PRPF18: variants seen among roughly 807,000 people sequenced by gnomAD.
PRPF18 encodes the protein pre-mRNA processing factor 18.
PRPF18 carries 38 observed loss-of-function variants against 46.5 expected under a neutral mutation model. The ratio of observed to expected loss-of-function variants is 0.82; its 90% CI spans 0.63 to 1.07. PRPF18 has a LOEUF of 1.07. Among genes scored for constraint, PRPF18 ranks in the 50% least tolerant of loss-of-function variants. The probability of loss-of-function intolerance (pLI) is 0.00; values close to 1 mark genes in which losing one functional copy is unlikely to be tolerated. For missense variants in PRPF18, 263 were observed against 410.0 expected, an observed-to-expected ratio of 0.64 and a Z score of 3.10; for synonymous variants, 152 against 146.7, an observed-to-expected ratio of 1.04 and a Z score of -0.26.
chr10:13,650,067 G>A, the PRPF18 span, among the ~76,000 whole-genome samples: 1 of 152,210 alleles, frequency 6.6e-6, no homozygotes, highest in Non-Finnish European at 1.5e-5. Flanking sequence ...TCAGAGATGT[G>A]TGGCCTGCAA....
chr10:13,631,414 T>A (rs1564466189), downstream of PRPF18: 1 of 152,268 alleles, frequency 6.6e-6, no homozygotes, highest in Non-Finnish European at 1.5e-5. Flanking sequence ...ATCTCAGCTC[T>A]GCACCTGCTC....
At chr10:13,618,802 T>C (rs2080383856) in intron 9 of PRPF18, among the ~76,000 whole-genome samples, 1 of 152,078 alleles carries the variant, frequency 6.6e-6, no homozygotes, top group Non-Finnish European at 1.5e-5. Context: ...AATAAATATT[T>C]GCTAATTGAA....
intron 9 of PRPF18, among the ~76,000 whole-genome samples, chr10:13,628,819 G>A (rs2080549000): frequency 2.0e-5 from 3 of 152,158 alleles, no homozygotes; most frequent in African/African-American, 7.2e-5. Flanking sequence ...TTAATGAATT[G>A]CACAGTGAAT....
chr10:13,651,578 C>T, the PRPF18 span: 1 of 266,324 alleles, frequency 3.8e-6, no homozygotes, highest in Non-Finnish European at 7.2e-6. Flanking sequence ...ACTAGGGAGC[C>T]AGGAGAATCG....
intron 9 of PRPF18, among the ~76,000 whole-genome samples, chr10:13,621,425 G>A (rs777374417): frequency 6.6e-6 from 1 of 152,110 alleles, no homozygotes; most frequent in Non-Finnish European, 1.5e-5. Context: ...GCATCCCTCT[G>A]CCCGAGGCTG....
chr10:13,641,061 G>C, the PRPF18 span: 1 of 152,204 alleles, frequency 6.6e-6, no homozygotes. Flanking sequence ...AGAAAAAGCT[G>C]TTCCTCTTTC....
chr10:13,623,207 A>G (rs2133957449), intron 9 of PRPF18, among the ~76,000 whole-genome samples: 1 of 152,016 alleles, frequency 6.6e-6, no homozygotes, highest in East Asian at 1.9e-4. Flanking sequence ...TCTCAAAAAA[A>G]GAAAAAAAAA....
intron 9 of PRPF18, among the ~76,000 whole-genome samples, chr10:13,626,723 G>T (rs978704752): frequency 6.6e-6 from 1 of 152,120 alleles, no homozygotes; most frequent in Non-Finnish European, 1.5e-5. Flanking sequence ...GTTTGAAAAG[G>T]GTTGCCTGTG....
At chr10:13,649,101 A>G in the PRPF18 span, 2 of 152,220 alleles carry the variant, frequency 1.3e-5, no homozygotes, top group African/African-American at 4.8e-5. Flanking sequence ...AAATACTCTT[A>G]AATGGGCTAA....
chr10:13,643,516 A>C, the PRPF18 span: 2 of 152,472 alleles, frequency 1.3e-5, no homozygotes, highest in African/African-American at 4.8e-5. Flanking sequence ...AATAAGAGGG[A>C]ATTCACCTCA....
rs1463809136 is a variant in PRPF18 at position 13,630,792 on chromosome 10, A to G, written c.*452A>G. The G allele has an allele frequency of 6.6e-6, 1 of 152,160 alleles. No homozygotes were observed. Among genetic ancestry groups the G allele is most frequent in the Non-Finnish European group, 1.5e-5 (1 of 68,040 alleles). 9.4% of individuals were successfully genotyped at this position (152,160 alleles called of 1,614,324 possible). ...TTCAAAAACATGGGACCATTGAATG[A>G]AACTTTATAGTCCTTAAATGTTGCT... On this transcript the variant is annotated 3_prime_UTR_variant, in exon 10 of 10. Transcript: ENST00000378572.
intron 3 of PRPF18, among the ~76,000 whole-genome samples, chr10:13,601,593 A>G (rs562201252): frequency 6.6e-6 from 1 of 152,232 alleles, no homozygotes; most frequent in East Asian, 1.9e-4. Context: ...AAATGAGATG[A>G]CATGCATTTG....
chr10:13,636,527 C>A, the PRPF18 span, among the ~76,000 whole-genome samples: 1 of 151,894 alleles, frequency 6.6e-6, no homozygotes, highest in Non-Finnish European at 1.5e-5. Context: ...GTGGCTTGGC[C>A]CTTTGAAAAT....
chr10:13,647,398 C>G, the PRPF18 span: 1 of 152,318 alleles, frequency 6.6e-6, no homozygotes, highest in Admixed American at 6.5e-5. Flanking sequence ...TGAGAACTGT[C>G]AAAGCTCCCC....
downstream of PRPF18, chr10:13,632,923 C>T (rs945852166): frequency 2.6e-5 from 4 of 152,174 alleles, no homozygotes; most frequent in African/African-American, 9.7e-5. Context: ...TCTTCCTCCC[C>T]AGACTCCTAT....
chr10:13,613,972 C>A, intron 7 of PRPF18, 43 bp from the exon 8 acceptor site: 2 of 1,556,780 alleles, frequency 1.3e-6, no homozygotes, highest in Admixed American at 1.9e-5. Flanking sequence ...CCCTATACAT[C>A]TATACATAGT....
At chr10:13,624,543 C>T (rs12219773) in intron 9 of PRPF18, among the ~76,000 whole-genome samples, 3,744 of 152,288 alleles carry the variant, frequency 0.025, 126 homozygotes, top group African/African-American at 0.071. Flanking sequence ...CCGCCCTCCT[C>T]CCACTCTAGC....
Position 13,600,351 on chromosome 10 carries a change from A to C in PRPF18, c.249+3A>C. ...CTATGACGCTTTCTAGGCAAGAGGTAAGTTTATTTGTGATGGTTTCATGAG... is the reference window on the plus strand; with the variant it reads ...CTATGACGCTTTCTAGGCAAGAGGTCAGTTTATTTGTGATGGTTTCATGAG... On this transcript the variant is annotated splice_donor_region_variant and intron_variant, in intron 3 of 9. Coordinates refer to ENST00000378572, the MANE Select transcript of PRPF18 (RefSeq NM_003675.4). 6.3e-7 allele frequency: 1 copy of C among 1,597,328 alleles called. No individual in the cohort carries two copies. The highest frequency in any genetic ancestry group is 8.6e-7 in the Non-Finnish European group (1 of 1,166,436).
chr10:13,646,770 T>C, the PRPF18 span: 2 of 152,820 alleles, frequency 1.3e-5, no homozygotes, highest in African/African-American at 4.8e-5. Flanking sequence ...CCAGAATGTC[T>C]CCTCAGTCAG....
Sources: gnomAD v4.1 joint callset for allele counts (sites outside exome capture counted in the v4.1 genomes callset) on GRCh38, gnomAD v4.1.1 for gene constraint, MANE v1.5 for transcripts, NCBI Gene and HGNC (gene_info 2026-07-23, HGNC 2026-07-21) for gene names.